The following RAD51B variants were observed in gnomAD, a reference collection of about 807,000 sequenced individuals.
RAD51B encodes DNA repair protein RAD51 homolog 2.
RAD51B carries 38 observed loss-of-function variants against 42.2 expected under a neutral mutation model. The ratio of observed to expected loss-of-function variants is 0.90; its 90% CI spans 0.70 to 1.18. The LOEUF (loss-of-function observed/expected upper bound fraction) is 1.18, where lower values mean the gene tolerates loss of function less well. Ranked by LOEUF, RAD51B falls within the 50% of genes most tolerant of loss-of-function variation. The pLI is 0.00. For synonymous variants in RAD51B, 154 were observed against 145.2 expected (o/e 1.06, Z -0.43); for missense variants, 373 against 400.7 (o/e 0.93, Z 0.59).
At chr14:68,107,417 A>T (rs1185449809) in intron 7 of RAD51B, among the ~76,000 whole-genome samples, 1 of 151,846 alleles carries the variant, frequency 6.6e-6, no homozygotes, top group Non-Finnish European at 1.5e-5. Context: ...AGATGGAAAT[A>T]CTATCTACGT....
intron 7 of RAD51B, among the ~76,000 whole-genome samples, chr14:67,993,829 A>G (rs2075337589): frequency 6.6e-6 from 1 of 152,196 alleles, no homozygotes; most frequent in African/African-American, 2.4e-5. Flanking sequence ...AGGGTTCTCT[A>G]GTAAACAATT....
intron 7 of RAD51B, among the ~76,000 whole-genome samples, chr14:67,889,597 A>G (rs891067218): frequency 2.2e-5 from 3 of 137,086 alleles, no homozygotes; most frequent in African/African-American, 2.9e-5. Context: ...CCCTTTCTCT[A>G]TTTGAACTAG....
intron 7 of RAD51B, among the ~76,000 whole-genome samples, chr14:67,931,400 T>C (rs2044728179): frequency 6.6e-6 from 1 of 152,236 alleles, no homozygotes; most frequent in Non-Finnish European, 1.5e-5. Flanking sequence ...CTTTATTTCC[T>C]GAATTGTTTT....
intron 7 of RAD51B, among the ~76,000 whole-genome samples, chr14:67,998,369 G>A (rs1000438593): frequency 2.6e-4 from 39 of 152,128 alleles, no homozygotes; most frequent in African/African-American, 8.4e-4. Context: ...CGTCTATTTC[G>A]GAAAAATTAG....
chr14:68,503,122 G>A (rs1885037744), intron 10 of RAD51B, among the ~76,000 whole-genome samples: 1 of 152,174 alleles, frequency 6.6e-6, no homozygotes, highest in African/African-American at 2.4e-5. Flanking sequence ...AGACAACAAA[G>A]CAAAGCCACT....
At chr14:67,983,313 GA>G (rs2075128480) in intron 7 of RAD51B, among the ~76,000 whole-genome samples, 1 of 151,748 alleles carries the variant, frequency 6.6e-6, no homozygotes. Flanking sequence ...ATATAAAAAG[GA>G]AAAAAAGGAA....
At chr14:67,951,993 T>TATATCGTACAGGTACTGA (rs370702054) in intron 7 of RAD51B, among the ~76,000 whole-genome samples, 10,454 of 152,186 alleles carry the variant, frequency 0.069, 877 homozygotes, top group African/African-American at 0.2. Context: ...ATCAAACTAA[T>TATATCGTACAGGTACTGA]ACAAAAAATT....
chr14:68,595,947 T>G, exon 11 of RAD51B: 1 of 501,230 alleles, frequency 2.0e-6, no homozygotes, highest in Non-Finnish European at 2.7e-6. Context: ...TTTTTTGGAA[T>G]TGTCTTTTTT....
chr14:68,314,225 A>G (rs2082014958), intron 8 of RAD51B, among the ~76,000 whole-genome samples: 2 of 152,046 alleles, frequency 1.3e-5, no homozygotes, highest in African/African-American at 4.8e-5. Flanking sequence ...CGATAAAAGG[A>G]CACTTCCACT....
At chr14:68,579,035 CA>C (rs1890095494) in intron 10 of RAD51B, among the ~76,000 whole-genome samples, 2 of 152,134 alleles carry the variant, frequency 1.3e-5, no homozygotes, top group African/African-American at 4.8e-5. Context: ...GTAGGACACA[CA>C]GTAGGGCCCA....
At chr14:68,587,119 T>G (rs1346351918) in intron 10 of RAD51B, among the ~76,000 whole-genome samples, 1 of 152,050 alleles carries the variant, frequency 6.6e-6, no homozygotes, top group Non-Finnish European at 1.5e-5. Flanking sequence ...TCCAGCACAG[T>G]GCCTGCGCAT....
intron 9 of RAD51B, among the ~76,000 whole-genome samples, chr14:68,465,592 A>C (rs1156526071): frequency 6.6e-6 from 1 of 152,098 alleles, no homozygotes; most frequent in Non-Finnish European, 1.5e-5. Context: ...AAAATCGAGA[A>C]CCACTGTTTT....
intron 10 of RAD51B, among the ~76,000 whole-genome samples, chr14:68,560,397 G>A (rs1258675845): frequency 6.6e-6 from 1 of 152,158 alleles, no homozygotes; most frequent in Non-Finnish European, 1.5e-5. Flanking sequence ...TTTTATTAAT[G>A]AGTCTGGGGA....
intron 4 of RAD51B, among the ~76,000 whole-genome samples, chr14:67,859,799 G>A (rs2139972913): frequency 6.6e-6 from 1 of 152,172 alleles, no homozygotes; most frequent in East Asian, 1.9e-4. Context: ...ATAAAACATA[G>A]GAAACAATAT....
chr14:68,578,697 G>C (rs1032635679), intron 10 of RAD51B, among the ~76,000 whole-genome samples: 1 of 152,216 alleles, frequency 6.6e-6, no homozygotes, highest in Non-Finnish European at 1.5e-5. Context: ...ATCACAGGAA[G>C]GTGAAGCCCA....
intron 7 of RAD51B, among the ~76,000 whole-genome samples, chr14:68,228,882 C>G (rs949727003): frequency 6.6e-6 from 1 of 152,204 alleles, no homozygotes; most frequent in Non-Finnish European, 1.5e-5. Flanking sequence ...CAGGTCTCAG[C>G]TTTTGCAGCT....
At chr14:68,592,633 C>T (rs888102786) in intron 10 of RAD51B, among the ~76,000 whole-genome samples, 11 of 152,288 alleles carry the variant, frequency 7.2e-5, no homozygotes, top group South Asian at 2.1e-4. Flanking sequence ...ATCATAGAAG[C>T]GACCACTACA....
chr14:67,853,455 C>T (rs990005234), intron 4 of RAD51B, among the ~76,000 whole-genome samples: 1 of 152,192 alleles, frequency 6.6e-6, no homozygotes, highest in African/African-American at 2.4e-5. Context: ...GTGACATTCA[C>T]ATAAGTCAAA....
chr14:67,952,120 A>G (rs920978555), intron 7 of RAD51B, among the ~76,000 whole-genome samples: 2 of 152,118 alleles, frequency 1.3e-5, no homozygotes, highest in African/African-American at 2.4e-5. Context: ...TTATGTTAGC[A>G]ACAGTATTGT....
Sources: gnomAD v4.1 joint callset for allele counts (sites outside exome capture counted in the v4.1 genomes callset) on GRCh38, gnomAD v4.1.1 for gene constraint, MANE v1.5 for transcripts, NCBI Gene and HGNC (gene_info 2026-07-23, HGNC 2026-07-21) for gene names.